Variants in MYO5B observed in about 807,000 individuals in gnomAD.
MYO5B encodes myosin VB, also known as unconventional myosin-Vb.
A neutral mutation model predicts 229.3 loss-of-function variants in MYO5B; 143 were observed. The observed-to-expected ratio is 0.62, with a 90% CI of 0.54 to 0.72. The LOEUF (loss-of-function observed/expected upper bound fraction) is 0.72, where lower values mean the gene tolerates loss of function less well. MYO5B is among the 30% of genes least tolerant of loss of function. MYO5B has a pLI of 0.00. For missense variants in MYO5B, 2,321 were observed against 2,331.0 expected, an observed-to-expected ratio of 1.00 and a Z score of 0.09; for synonymous variants, 918 against 885.2, an observed-to-expected ratio of 1.04 and a Z score of -0.66.
chr18:50,097,199 C>A (rs781096347), intron 1 of MYO5B: 12 of 456,418 alleles, frequency 2.6e-5, no homozygotes, highest in Admixed American at 9.4e-5. Flanking sequence ...CCATTCCCCA[C>A]AGATGTCATC....
At chr18:50,085,676 C>T (rs536130976) in intron 1 of MYO5B, among the ~76,000 whole-genome samples, 248 of 152,238 alleles carry the variant, frequency 1.6e-3, no homozygotes, top group African/African-American at 4.5e-3. Context: ...AGATGTCCAA[C>T]AATGATAGAC....
chr18:50,156,225 C>T (rs777337696), intron 1 of MYO5B, among the ~76,000 whole-genome samples: 2 of 152,202 alleles, frequency 1.3e-5, no homozygotes, highest in Non-Finnish European at 2.9e-5. Context: ...CTCTCCTATG[C>T]CATTTTCATC....
At chr18:49,841,268 C>T in intron 35 of MYO5B, 97 bp downstream of exon 35, 2 of 1,184,932 alleles carry the variant, frequency 1.7e-6, no homozygotes, top group Non-Finnish European at 1.3e-6. Flanking sequence ...CAAGGGTGCT[C>T]CAAAGACCCC....
chr18:50,003,965 G>A (rs1351518583), intron 4 of MYO5B, among the ~76,000 whole-genome samples: 2 of 152,166 alleles, frequency 1.3e-5, no homozygotes, highest in Non-Finnish European at 2.9e-5. Context: ...AGCACACACA[G>A]GATGCTGGAC....
chr18:49,919,686 A>G (rs533931427), intron 17 of MYO5B, among the ~76,000 whole-genome samples: 1 of 152,366 alleles, frequency 6.6e-6, no homozygotes, highest in East Asian at 1.9e-4. Context: ...GTTGATGAGA[A>G]TGCATAGAAA....
chr18:50,085,363 AG>A (rs1239120304), intron 1 of MYO5B, among the ~76,000 whole-genome samples: 2 of 152,162 alleles, frequency 1.3e-5, no homozygotes, highest in Non-Finnish European at 2.9e-5. Context: ...AACCACAATG[AG>A]ATACCATCTC....
chr18:49,849,400 G>T (rs2144052798), intron 32 of MYO5B, among the ~76,000 whole-genome samples, 167 bp downstream of exon 32: 1 of 152,228 alleles, frequency 6.6e-6, no homozygotes, highest in African/African-American at 2.4e-5. Flanking sequence ...ACTGCAGATG[G>T]GTAAGCTCAT....
chr18:49,831,006 A>G (rs908182719), intron 39 of MYO5B, among the ~76,000 whole-genome samples: 15 of 152,012 alleles, frequency 9.9e-5, no homozygotes, highest in Non-Finnish European at 1.9e-4. Context: ...TTTTTGGTCA[A>G]TTGATTTTTG....
At chr18:49,905,842 A>G (rs1226523680) in intron 19 of MYO5B, among the ~76,000 whole-genome samples, 1 of 152,106 alleles carries the variant, frequency 6.6e-6, no homozygotes, top group East Asian at 1.9e-4. Context: ...ACCCTGCAGT[A>G]GTTTCTTCTG....
intron 10 of MYO5B, among the ~76,000 whole-genome samples, chr18:49,972,745 A>C (rs960360484): frequency 1.3e-5 from 2 of 152,158 alleles, no homozygotes; most frequent in Non-Finnish European, 2.9e-5. Context: ...CAGAGAGCAC[A>C]CTGTTCTATG....
chr18:49,897,231 C>T (rs1415422869), intron 21 of MYO5B, among the ~76,000 whole-genome samples: 2 of 152,162 alleles, frequency 1.3e-5, no homozygotes. Context: ...CACAGCCATG[C>T]AGCCAAGCCT....
chr18:50,151,840 T>C (rs1022332206), intron 1 of MYO5B, among the ~76,000 whole-genome samples: 1 of 152,118 alleles, frequency 6.6e-6, no homozygotes, highest in African/African-American at 2.4e-5. Flanking sequence ...GTGGTGATCT[T>C]ACCCATTTCT....
chr18:49,842,489 T>A (rs2024070561), intron 34 of MYO5B, among the ~76,000 whole-genome samples: 1 of 152,176 alleles, frequency 6.6e-6, no homozygotes, highest in Admixed American at 6.5e-5. Context: ...GAAGCAGTAA[T>A]GTGTAAGAAC....
intron 1 of MYO5B, among the ~76,000 whole-genome samples, chr18:50,166,457 T>C (rs1416140165): frequency 6.6e-6 from 1 of 152,202 alleles, no homozygotes; most frequent in Non-Finnish European, 1.5e-5. Context: ...AAAACATCCA[T>C]CATCCCAATA....
At chr18:50,083,952 C>A (rs140317412) in intron 1 of MYO5B, among the ~76,000 whole-genome samples, 1 of 152,276 alleles carries the variant, frequency 6.6e-6, no homozygotes, top group East Asian at 1.9e-4. Flanking sequence ...CATAGTAAGA[C>A]CCTAGCGTCA....
intron 33 of MYO5B, among the ~76,000 whole-genome samples, chr18:49,844,840 T>C (rs1029611335): frequency 4.6e-5 from 7 of 152,252 alleles, no homozygotes; most frequent in African/African-American, 1.7e-4. Flanking sequence ...TAAAGCTTGT[T>C]TGGGTGCCCC....
chr18:49,843,672 C>T (rs1598826159), intron 33 of MYO5B, among the ~76,000 whole-genome samples: 1 of 152,196 alleles, frequency 6.6e-6, no homozygotes. Flanking sequence ...ATGCCTCAGC[C>T]TAACAATATG....
At chr18:50,000,202 C>G (rs181348249) in intron 5 of MYO5B, among the ~76,000 whole-genome samples, 1 of 152,304 alleles carries the variant, frequency 6.6e-6, no homozygotes, top group African/African-American at 2.4e-5. Context: ...TTTCCCTAAG[C>G]TCCAAAATCA....
chr18:49,871,884 A>G lies in MYO5B; in HGVS notation c.3603+283T>C, dbSNP rs9951669. Among the ~76,000 whole-genome samples the G allele has an allele frequency of 0.24, 36,596 of 152,120 alleles. 4,543 individuals are homozygous for G. Among genetic ancestry groups the G allele is most frequent in the East Asian group, 0.42 (2,175 of 5,184 alleles). ...TGGCAGATCCCTCTGCCCTATGTCT[A>G]CCCATGCAAGCCTTGATTTTTTTCC... On this transcript the variant is annotated intron_variant, in intron 27 of 39. Coordinates refer to ENST00000285039, the MANE Select transcript of MYO5B (RefSeq NM_001080467.3).
Sources: gnomAD v4.1 joint callset for allele counts (sites outside exome capture counted in the v4.1 genomes callset) on GRCh38, gnomAD v4.1.1 for gene constraint, MANE v1.5 for transcripts, NCBI Gene and HGNC (gene_info 2026-07-23, HGNC 2026-07-21) for gene names.